CNTN4: variants seen among roughly 807,000 people sequenced by gnomAD.
The protein encoded by CNTN4 is contactin 4, also known as contactin-4.
A neutral mutation model predicts 122.5 loss-of-function variants in CNTN4; 77 were observed. That is an observed-to-expected ratio of 0.63 (90% CI 0.52 to 0.76). The LOEUF is 0.76. CNTN4 is among the 30% of genes least tolerant of loss of function. The pLI is 0.00. For missense variants in CNTN4, 1,256 were observed against 1,259.1 expected (o/e 1.00, Z 0.04); for synonymous variants, 512 against 447.0 (o/e 1.15, Z -1.83).
intron 5 of CNTN4, among the ~76,000 whole-genome samples, chr3:2,738,057 A>C (rs1224547824): frequency 6.6e-6 from 1 of 152,236 alleles, no homozygotes; most frequent in Non-Finnish European, 1.5e-5. Context: ...TTCCAGAAGA[A>C]GCATCAAGAA....
At chr3:2,246,159 T>C (rs945582083) in intron 2 of CNTN4, among the ~76,000 whole-genome samples, 1 of 151,968 alleles carries the variant, frequency 6.6e-6, no homozygotes, top group African/African-American at 2.4e-5. Flanking sequence ...GATGTGTTTT[T>C]TTAAAAAAAA....
intron 2 of CNTN4, among the ~76,000 whole-genome samples, chr3:2,321,344 T>G (rs1145049): frequency 6.6e-6 from 1 of 151,986 alleles, no homozygotes; most frequent in South Asian, 2.1e-4. Flanking sequence ...AAAATTATTT[T>G]AAACTTTTAG....
intron 2 of CNTN4, among the ~76,000 whole-genome samples, chr3:2,177,467 C>G (rs1056988045): frequency 1.3e-5 from 2 of 152,108 alleles, no homozygotes; most frequent in Non-Finnish European, 2.9e-5. Context: ...CTTCTTGAGG[C>G]TGCTTCCTGA....
chr3:2,587,740 A>G (rs1005248755), intron 4 of CNTN4, among the ~76,000 whole-genome samples: 9 of 152,228 alleles, frequency 5.9e-5, no homozygotes, highest in African/African-American at 2.2e-4. Context: ...TCTCCAGTTC[A>G]GTAAATAAAT....
At chr3:2,312,060 A>G (rs1432277206) in intron 2 of CNTN4, among the ~76,000 whole-genome samples, 3 of 151,982 alleles carry the variant, frequency 2.0e-5, no homozygotes, top group Non-Finnish European at 4.4e-5. Flanking sequence ...TTTAAGATAA[A>G]AATGGCACTT....
chr3:2,581,654 G>A (rs1415819346), intron 4 of CNTN4, among the ~76,000 whole-genome samples: 1 of 152,106 alleles, frequency 6.6e-6, no homozygotes, highest in Admixed American at 6.6e-5. Context: ...AGTTTTTCCA[G>A]AGAACCTGCA....
At chr3:2,559,436 A>G (rs568492635) in intron 3 of CNTN4, among the ~76,000 whole-genome samples, 1 of 152,156 alleles carries the variant, frequency 6.6e-6, no homozygotes, top group Non-Finnish European at 1.5e-5. Flanking sequence ...TAAGGGACTC[A>G]CATAATCCTC....
chr3:2,117,528 G>A (rs1016991869), intron 2 of CNTN4, among the ~76,000 whole-genome samples: 1 of 152,144 alleles, frequency 6.6e-6, no homozygotes, highest in Non-Finnish European at 1.5e-5. Flanking sequence ...CTTCCAGGAG[G>A]TTGGGGGAGG....
At chr3:2,552,095 A>G (rs561260719) in intron 3 of CNTN4, among the ~76,000 whole-genome samples, 1 of 152,192 alleles carries the variant, frequency 6.6e-6, no homozygotes, top group Admixed American at 6.6e-5. Flanking sequence ...GAGCATACTT[A>G]AGGTAAACTA....
intron 3 of CNTN4, among the ~76,000 whole-genome samples, chr3:2,479,565 C>T (rs376607472): frequency 9.3e-4 from 141 of 152,246 alleles, no homozygotes; most frequent in Middle Eastern, 3.4e-3. Context: ...ATGAAACTTA[C>T]GCGATGCCCG....
chr3:2,558,769 C>T (rs938058032), intron 3 of CNTN4, among the ~76,000 whole-genome samples: 3 of 152,076 alleles, frequency 2.0e-5, no homozygotes, highest in Admixed American at 2.0e-4. Context: ...ATACTGCAAC[C>T]CTAACCCTCA....
At chr3:2,565,895 A>G (rs888629341) in intron 3 of CNTN4, among the ~76,000 whole-genome samples, 1 of 152,214 alleles carries the variant, frequency 6.6e-6, no homozygotes, top group South Asian at 2.1e-4. Context: ...TCCTTTTTAA[A>G]AATCTCTGCC....
intron 23 of CNTN4, among the ~76,000 whole-genome samples, chr3:3,044,565 G>C (rs1368899214): frequency 6.6e-6 from 1 of 152,158 alleles, no homozygotes; most frequent in Non-Finnish European, 1.5e-5. Flanking sequence ...TTACATAGTT[G>C]TCAGCTTCAA....
intron 3 of CNTN4, among the ~76,000 whole-genome samples, chr3:2,443,148 T>A (rs7642836): frequency 0.014 from 1,918 of 139,906 alleles, 51 homozygotes; most frequent in African/African-American, 0.048. Context: ...AAATAAAAGT[T>A]AAAAAAAAAA....
At chr3:2,434,099 A>C (rs2048175562) in intron 3 of CNTN4, among the ~76,000 whole-genome samples, 1 of 152,156 alleles carries the variant, frequency 6.6e-6, no homozygotes, top group Non-Finnish European at 1.5e-5. Flanking sequence ...CAAAGTGATG[A>C]CTATAATAAA....
chr3:2,790,489 A>C (rs1229553077), intron 6 of CNTN4, among the ~76,000 whole-genome samples: 1 of 152,206 alleles, frequency 6.6e-6, no homozygotes, highest in Non-Finnish European at 1.5e-5. Flanking sequence ...AGCACAGCAA[A>C]GTAAGGGCCT....
chr3:2,847,272 C>A (rs2093471756), intron 7 of CNTN4, among the ~76,000 whole-genome samples: 1 of 151,778 alleles, frequency 6.6e-6, no homozygotes, highest in Non-Finnish European at 1.5e-5. Flanking sequence ...CATCCACAAG[C>A]AGAGAGTCAG....
intron 13 of CNTN4, among the ~76,000 whole-genome samples, chr3:2,982,284 TC>T (rs1328612171): frequency 6.6e-6 from 1 of 152,212 alleles, no homozygotes; most frequent in Non-Finnish European, 1.5e-5. Flanking sequence ...ATCCATTCCT[TC>T]CATTCTACTT....
At chr3:2,665,915 T>G (rs76086483) in intron 4 of CNTN4, among the ~76,000 whole-genome samples, 214 of 152,330 alleles carry the variant, frequency 1.4e-3, no homozygotes, top group African/African-American at 5.0e-3. Flanking sequence ...GAAGGTTAGT[T>G]GTGGCATTGC....
Sources: gnomAD v4.1 joint callset for allele counts (sites outside exome capture counted in the v4.1 genomes callset) on GRCh38, gnomAD v4.1.1 for gene constraint, MANE v1.5 for transcripts, NCBI Gene and HGNC (gene_info 2026-07-23, HGNC 2026-07-21) for gene names.